ABI3BP: variants seen among roughly 807,000 people sequenced by gnomAD.
ABI3BP encodes the protein ABI family member 3 binding protein.
Under a neutral mutation model 268.6 loss-of-function variants are expected in ABI3BP, and 216 were observed. That is an observed-to-expected ratio of 0.80 (90% CI 0.72 to 0.90). The LOEUF (loss-of-function observed/expected upper bound fraction) is 0.90. ABI3BP is among the 40% of genes least tolerant of loss of function. The pLI is 0.00. For synonymous variants in ABI3BP, 730 were observed against 730.0 expected (o/e 1.00, Z 0.00); for missense variants, 2,090 against 2,182.4 (o/e 0.96, Z 0.84).
At chr3:100,875,026 G>A (rs1475967835) in intron 8 of ABI3BP, 93 bp from the exon 9 acceptor site, 2 of 632,536 alleles carry the variant, frequency 3.2e-6, no homozygotes, top group Non-Finnish European at 5.3e-6. Context: ...AAACTATGAA[G>A]CATAGCACTT....
chr3:100,926,522 CT>C, intron 1 of ABI3BP, 41 bp from the exon 2 acceptor site: 2 of 1,571,072 alleles, frequency 1.3e-6, no homozygotes, highest in Non-Finnish European at 1.7e-6. Flanking sequence ...GTTACTTCCC[CT>C]TTTTAGCATC....
intron 32 of ABI3BP, 104 bp from the exon 33 acceptor site, chr3:100,829,768 TG>T: frequency 1.1e-6 from 1 of 939,552 alleles, no homozygotes; most frequent in South Asian, 1.6e-5. Flanking sequence ...ATGTTTCTTT[TG>T]GGTTTGAAAT....
At chr3:100,812,611 T>C (rs961114039) in intron 45 of ABI3BP, 88 bp from the exon 46 acceptor site, 15 of 782,756 alleles carry the variant, frequency 1.9e-5, no homozygotes, top group African/African-American at 1.8e-4. Context: ...GTGTTCAATG[T>C]TAACTGTTAT....
intron 10 of ABI3BP, among the ~76,000 whole-genome samples, chr3:100,866,567 A>G (rs763129947): frequency 2.6e-5 from 4 of 152,204 alleles, no homozygotes; most frequent in Non-Finnish European, 5.9e-5. Flanking sequence ...GTCTAATGTC[A>G]TCATATGAAA....
chr3:100,918,282 GTCCACCCA>G (rs149446394), intron 2 of ABI3BP, among the ~76,000 whole-genome samples: 16,963 of 149,138 alleles, frequency 0.11, 1,190 homozygotes, highest in Non-Finnish European at 0.16. Flanking sequence ...TCATCCACCC[GTCCACCCA>G]TCCACCCATC....
intron 14 of ABI3BP, among the ~76,000 whole-genome samples, chr3:100,861,461 A>C (rs1188649773): frequency 1.3e-5 from 2 of 152,176 alleles, no homozygotes; most frequent in Non-Finnish European, 2.9e-5. Context: ...ATAAAGTCAA[A>C]ACAACTAGAA....
In ABI3BP at chr3:100,838,388, A is replaced by G. The variant is rs2098637337; in HGVS notation, c.2008+14T>C. 6 of 1,534,878 alleles carry G rather than the reference A, an allele frequency of 3.9e-6. No homozygotes were observed. In the South Asian group the frequency reaches 5.9e-5, roughly 15 times the overall value. ...TTCCTATTTATAGATCAAGGCATTG[A>G]AAGTAATGATTACCAGGCTGAATTT... On this transcript the variant is annotated intron_variant, in intron 25 of 67. Coordinates refer to ENST00000471714, the MANE Select transcript of ABI3BP (RefSeq NM_001375547.2).
rs1006945091 is a variant in ABI3BP, at chr3:100,862,254, T to A, written c.1285+57A>T. 3.4e-6 allele frequency: 4 copies of A among 1,162,476 alleles called. No homozygotes were observed. The African/African-American group carries it at 6.3e-5, about 18-fold the overall frequency. 72.0% of individuals were successfully genotyped at this position (1,162,476 alleles called of 1,614,324 possible). A position where few individuals can be genotyped will look rare whatever the true frequency, so the allele number is the denominator to read the frequency against. On this transcript the variant is annotated intron_variant, in intron 14 of 67. Transcript: ENST00000471714. ...TCAATTAAGGAACCTATAAAAACAA[T>A]AAGTTACTCAATATTCCTTGTTATA...
chr3:100,951,007 T>C (rs2595891), intron 1 of ABI3BP, among the ~76,000 whole-genome samples: 151,964 of 151,994 alleles, frequency 1, 75,967 homozygotes, highest in Non-Finnish European at 1. Flanking sequence ...TCTTAACATT[T>C]ATCTGCCACA....
chr3:100,900,548 CAT>C (rs1430654398), intron 3 of ABI3BP, among the ~76,000 whole-genome samples: 1 of 152,138 alleles, frequency 6.6e-6, no homozygotes, highest in African/African-American at 2.4e-5. Context: ...AGATGAAAGA[CAT>C]ATTTTTCATG....
chr3:100,772,201 A>C (rs868458243), intron 61 of ABI3BP, among the ~76,000 whole-genome samples: 2 of 152,242 alleles, frequency 1.3e-5, no homozygotes, highest in South Asian at 2.1e-4. Flanking sequence ...AAAATCTGTA[A>C]GAATTTATTT....
intron 55 of ABI3BP, 91 bp from the exon 56 acceptor site, chr3:100,789,607 A>C: frequency 1.6e-6 from 2 of 1,222,554 alleles, no homozygotes; most frequent in Non-Finnish European, 2.3e-6. Context: ...CAACTCATAC[A>C]CTTTGCATGG....
At chr3:100,869,191 G>T (rs1039819491) in intron 9 of ABI3BP, among the ~76,000 whole-genome samples, 2 of 151,860 alleles carry the variant, frequency 1.3e-5, no homozygotes, top group African/African-American at 2.4e-5. Flanking sequence ...CATGTTCTTA[G>T]CTGGCAATCA....
chr3:100,925,615 A>G (rs939879114), intron 2 of ABI3BP, among the ~76,000 whole-genome samples: 13 of 151,872 alleles, frequency 8.6e-5, no homozygotes, highest in Non-Finnish European at 2.9e-5. Flanking sequence ...GGATTTCGTC[A>G]TGTTGCCCAG....
chr3:100,833,603 T>C (rs2098528036), intron 29 of ABI3BP, among the ~76,000 whole-genome samples: 2 of 152,138 alleles, frequency 1.3e-5, no homozygotes, highest in Non-Finnish European at 2.9e-5. Flanking sequence ...TTGTTGAGAG[T>C]GCACTTTGGA....
intron 4 of ABI3BP, among the ~76,000 whole-genome samples, chr3:100,896,151 G>A (rs939788577): frequency 2.0e-5 from 3 of 152,036 alleles, no homozygotes; most frequent in Non-Finnish European, 4.4e-5. Flanking sequence ...TGAAATTATC[G>A]ATTTTGAATA....
intron 34 of ABI3BP, among the ~76,000 whole-genome samples, chr3:100,827,008 T>C (rs73135569): frequency 0.14 from 21,550 of 152,174 alleles, 1,981 homozygotes; most frequent in South Asian, 0.27. Flanking sequence ...CCAATTTTTT[T>C]ATCTTTGTTC....
intron 2 of ABI3BP, among the ~76,000 whole-genome samples, chr3:100,922,571 CGATGGTGATGGT>C (rs1245322037): frequency 2.0e-5 from 3 of 148,376 alleles, no homozygotes; most frequent in East Asian, 4.1e-4. Context: ...ATGGCGATGG[CGATGGTGATGGT>C]GATGGTGATG....
intron 1 of ABI3BP, among the ~76,000 whole-genome samples, chr3:100,956,985 G>A (rs1453297579): frequency 6.6e-6 from 1 of 152,174 alleles, no homozygotes; most frequent in Non-Finnish European, 1.5e-5. Flanking sequence ...GACGGAGTTT[G>A]GCTTTTATTC....
Sources: gnomAD v4.1 joint callset for allele counts (sites outside exome capture counted in the v4.1 genomes callset) on GRCh38, gnomAD v4.1.1 for gene constraint, MANE v1.5 for transcripts, NCBI Gene and HGNC (gene_info 2026-07-23, HGNC 2026-07-21) for gene names.